SDK1: variants seen among roughly 807,000 people sequenced by gnomAD.
The protein encoded by SDK1 is sidekick cell adhesion molecule 1, also known as protein sidekick-1.
Under a neutral mutation model 245.5 loss-of-function variants are expected in SDK1, and 157 were observed. The observed-to-expected ratio is 0.64, with a 90% confidence interval of 0.56 to 0.73. The LOEUF (loss-of-function observed/expected upper bound fraction) is 0.73. Among genes scored for constraint, SDK1 ranks in the 30% least tolerant of loss-of-function variants. The pLI, the probability that SDK1 is intolerant of heterozygous loss-of-function variation, is 0.00. For synonymous variants in SDK1, 1,647 were observed against 1,278.5 expected (o/e 1.29, Z -6.15); for missense variants, 3,583 against 3,002.3 (o/e 1.19, Z -4.52).
chr7:3,620,792 G>A (rs754232084), intron 2 of SDK1, among the ~76,000 whole-genome samples: 4 of 151,972 alleles, frequency 2.6e-5, no homozygotes, highest in Non-Finnish European at 4.4e-5. Context: ...TGGCAGCCCC[G>A]TCCCTTGTAG....
chr7:3,841,737 ATTC>A (rs1187804284), intron 5 of SDK1, among the ~76,000 whole-genome samples: 1 of 151,750 alleles, frequency 6.6e-6, no homozygotes, highest in Non-Finnish European at 1.5e-5. Context: ...TAATTTTTGT[ATTC>A]TTAATAGAGA....
At chr7:3,783,956 A>G (rs1037496814) in intron 4 of SDK1, among the ~76,000 whole-genome samples, 8 of 151,458 alleles carry the variant, frequency 5.3e-5, no homozygotes, top group African/African-American at 7.4e-5. Context: ...AAACTATACT[A>G]CAGAGCTATA....
At chr7:3,754,220 A>G (rs1420896029) in intron 4 of SDK1, among the ~76,000 whole-genome samples, 1 of 152,188 alleles carries the variant, frequency 6.6e-6, no homozygotes, top group Non-Finnish European at 1.5e-5. Flanking sequence ...CTTGCTTCAT[A>G]CCCCAGGGAT....
intron 2 of SDK1, among the ~76,000 whole-genome samples, chr7:3,624,673 A>G (rs1782056404): frequency 6.6e-6 from 1 of 152,198 alleles, no homozygotes; most frequent in Non-Finnish European, 1.5e-5. Flanking sequence ...GAATGCCATA[A>G]TAAGTAACAT....
chr7:3,856,649 G>A (rs1780554415), intron 5 of SDK1, among the ~76,000 whole-genome samples: 1 of 151,906 alleles, frequency 6.6e-6, no homozygotes, highest in Admixed American at 6.6e-5. Flanking sequence ...AAATTAGCCA[G>A]GCATGGTGGC....
At chr7:3,393,738 C>G (rs1781821274) in intron 1 of SDK1, among the ~76,000 whole-genome samples, 1 of 152,016 alleles carries the variant, frequency 6.6e-6, no homozygotes, top group African/African-American at 2.4e-5. Flanking sequence ...TGATAGTATT[C>G]TGAATTTTTT....
rs115019624 is a variant in SDK1, at chr7:3,775,975, A to T, written c.714-45475A>T. ...TTGCACTGATTCTCGAAACGAGTGA[A>T]TCTTCCACCAGTCCCTAACTGTGAT... On this transcript the variant is annotated intron_variant, in intron 4 of 44. Coordinates refer to ENST00000404826, the MANE Select transcript of SDK1 (RefSeq NM_152744.4). 3.8e-3 allele frequency among the ~76,000 whole-genome samples: 579 copies of T among 152,364 alleles called. 4 individuals are homozygous for T. The highest frequency in any genetic ancestry group is 0.014 in the African/African-American group (565 of 41,578).
chr7:4,083,028 G>A (rs1411692237), intron 22 of SDK1, among the ~76,000 whole-genome samples: 1 of 151,924 alleles, frequency 6.6e-6, no homozygotes, highest in African/African-American at 2.4e-5. Context: ...TTCACGCAGG[G>A]TTCACACTAT....
chr7:3,617,483 G>A (rs1057100292), intron 1 of SDK1, among the ~76,000 whole-genome samples: 1 of 152,222 alleles, frequency 6.6e-6, no homozygotes, highest in South Asian at 2.1e-4. Flanking sequence ...GAAAGACCAA[G>A]TGGGAAGGCC....
chr7:4,069,586 T>C (rs1186369503), intron 20 of SDK1, among the ~76,000 whole-genome samples: 1 of 152,202 alleles, frequency 6.6e-6, no homozygotes, highest in African/African-American at 2.4e-5. Flanking sequence ...AAGTGCCTGA[T>C]TGTTCTGTGA....
chr7:3,437,341 A>G (rs1025687050), intron 1 of SDK1, among the ~76,000 whole-genome samples: 1 of 152,202 alleles, frequency 6.6e-6, no homozygotes, highest in African/African-American at 2.4e-5. Context: ...ATTTGTAAGG[A>G]CAAAATGCGA....
At chr7:3,366,048 A>G (rs1781082393) in intron 1 of SDK1, among the ~76,000 whole-genome samples, 1 of 151,814 alleles carries the variant, frequency 6.6e-6, no homozygotes, top group South Asian at 2.1e-4. Context: ...TCAAAAAAAA[A>G]AAAAAGTCTC....
intron 4 of SDK1, among the ~76,000 whole-genome samples, chr7:3,790,376 A>G (rs1781043210): frequency 6.6e-6 from 1 of 152,160 alleles, no homozygotes. Context: ...GCTCAATGGC[A>G]GGTTCTAACG....
At chr7:3,601,862 G>C (rs1206931728) in intron 1 of SDK1, among the ~76,000 whole-genome samples, 8 of 132,266 alleles carry the variant, frequency 6.0e-5, no homozygotes. Flanking sequence ...AGTGTGTGAT[G>C]TTCCCCTTCC....
At chr7:4,110,486 A>G (rs75784452) in intron 22 of SDK1, among the ~76,000 whole-genome samples, 177 bp from the exon 23 acceptor site, 1,677 of 152,262 alleles carry the variant, frequency 0.011, 20 homozygotes, top group Non-Finnish European at 0.013. Flanking sequence ...TGGGCATAGC[A>G]AGAGCCTGTA....
chr7:3,974,174 A>G (rs1782704214), intron 12 of SDK1, among the ~76,000 whole-genome samples, 195 bp from the exon 13 acceptor site: 1 of 120,636 alleles, frequency 8.3e-6, no homozygotes, highest in Non-Finnish European at 1.6e-5. Context: ...ACACAGCAAG[A>G]CTCTGTCTCA....
At chr7:4,014,919 G>C (rs1583832930) in intron 16 of SDK1, among the ~76,000 whole-genome samples, 1 of 152,254 alleles carries the variant, frequency 6.6e-6, no homozygotes, top group East Asian at 1.9e-4. Flanking sequence ...GGGGAGCGCA[G>C]GCTCTTTGGA....
At chr7:4,051,051 C>G (rs989359223) in intron 18 of SDK1, among the ~76,000 whole-genome samples, 6 of 137,852 alleles carry the variant, frequency 4.4e-5, no homozygotes, top group African/African-American at 1.6e-4. Context: ...ATATAGTATA[C>G]TATACATATA....
chr7:3,855,421 A>G (rs1019157147), intron 5 of SDK1, among the ~76,000 whole-genome samples: 1 of 152,194 alleles, frequency 6.6e-6, no homozygotes, highest in Non-Finnish European at 1.5e-5. Flanking sequence ...TGCATCCATT[A>G]GAAATGGATG....
Sources: gnomAD v4.1 joint callset for allele counts (sites outside exome capture counted in the v4.1 genomes callset) on GRCh38, gnomAD v4.1.1 for gene constraint, MANE v1.5 for transcripts, NCBI Gene and HGNC (gene_info 2026-07-23, HGNC 2026-07-21) for gene names.